The following NOM1 variants were observed in gnomAD, a reference collection of about 807,000 sequenced individuals.
The protein encoded by NOM1 is nucleolar protein with MIF4G domain 1, also known as nucleolar MIF4G domain-containing protein 1.
In NOM1, 58 loss-of-function variants were observed where a neutral mutation model predicts 73.3. The ratio of observed to expected loss-of-function variants is 0.79; its 90% CI spans 0.64 to 0.99. The LOEUF (loss-of-function observed/expected upper bound fraction) is 0.99, where lower values mean the gene tolerates loss of function less well. Among genes scored for constraint, NOM1 ranks in the 50% least tolerant of loss-of-function variants. The pLI is 0.00. For missense variants in NOM1, 1,226 were observed against 1,131.9 expected (o/e 1.08, Z -1.19); for synonymous variants, 487 against 446.8 (o/e 1.09, Z -1.14).
At chr7:156,965,156 G>T (rs1313718587) in intron 7 of NOM1, among the ~76,000 whole-genome samples, 1 of 152,234 alleles carries the variant, frequency 6.6e-6, no homozygotes, top group Non-Finnish European at 1.5e-5. Flanking sequence ...TGTGCTGTTT[G>T]CAGTGGAGCT....
Position 156,971,360 on chromosome 7 carries a change from GC to G in NOM1, c.*1661del, listed in dbSNP as rs1250312529. 1 of 152,220 alleles carries G rather than the reference GC, an allele frequency of 6.6e-6. No individual in the cohort carries two copies. The highest frequency in any genetic ancestry group is 1.9e-4 in the East Asian group (1 of 5,190). 9.4% of individuals were successfully genotyped at this position (152,220 alleles called of 1,614,324 possible). A position where few individuals can be genotyped will look rare whatever the true frequency, so the allele number is the denominator to read the frequency against. ...TGGTGATGCCTCTCCTGGGCAAAAC[GC>G]CCCATTTGTGGCACTTTCAGATACT... On this transcript the variant is annotated 3_prime_UTR_variant, in exon 11 of 11. Coordinates refer to ENST00000275820, the MANE Select transcript of NOM1 (RefSeq NM_138400.2).
chr7:156,966,293 A>G lies in NOM1; in HGVS notation c.2057A>G (p.Glu686Gly), dbSNP rs760818550. The change falls in exon 8 of 11, where the codon GAG becomes GGG. Residue 686 changes from glutamate to glycine, a missense_variant. By Grantham distance (98) the Glu-to-Gly change is moderately conservative. Coordinates refer to ENST00000275820, the MANE Select transcript of NOM1 (RefSeq NM_138400.2). The stretch of plus-strand genomic sequence containing the variant: ...AGGCTTGGACTTAAGGATCAGCAGG[A>G]GAGAGAAATCATTCACGTTCTCATG... ...LLKLGLKDQQ[E>G]REIIHVLMDC... The G allele has an allele frequency of 1.1e-5, 18 of 1,614,164 alleles. No homozygotes were observed. Among genetic ancestry groups the G allele is most frequent in the Non-Finnish European group, 1.4e-5 (17 of 1,180,038 alleles).
At chr7:156,967,573 C>G (rs981079484) in intron 9 of NOM1, among the ~76,000 whole-genome samples, 5 of 152,172 alleles carry the variant, frequency 3.3e-5, no homozygotes, top group African/African-American at 1.2e-4. Flanking sequence ...GCTCTGTCAC[C>G]CAGGCTGGAG....
In NOM1 at chr7:156,954,299, G is replaced by A. The variant is rs759345452; in HGVS notation, c.1308+1G>A. 1 of 1,579,414 alleles carries A rather than the reference G, an allele frequency of 6.3e-7. No individual in the cohort carries two copies. ...CCTTCACCACACAGTTGGAATCGAG[G>A]TACAGTTGTACCTTTTCTCCAGGCT... On this transcript the variant is annotated splice_donor_variant, in intron 3 of 10. Transcript: ENST00000275820. LOFTEE classifies it high-confidence loss of function.
At chr7:156,964,067 C>A in intron 7 of NOM1, 41 bp downstream of exon 7, 2 of 1,591,122 alleles carry the variant, frequency 1.3e-6, no homozygotes, top group Non-Finnish European at 1.7e-6. Context: ...TAATGAGATG[C>A]TGTAAAATAA....
chr7:156,963,012 G>A lies in NOM1; in HGVS notation c.1748G>A (p.Arg583His), dbSNP rs774647900. ...KLRKLQRALVRNAGSGSETQL... is the reference protein window; with the variant it reads ...KLRKLQRALVHNAGSGSETQL... Reference sequence around the variant, plus strand: ...TAGCTCTTCTCTCTTCATCAGGTCCGCAACGCCGGCTCAGGTTCTGAGACG... The same window carrying A: ...TAGCTCTTCTCTCTTCATCAGGTCCACAACGCCGGCTCAGGTTCTGAGACG... Residue 583 changes from arginine (R) to histidine (H), a missense_variant, in exon 6 of 11, where the codon CGC becomes CAC. Coordinates refer to ENST00000275820, the MANE Select transcript of NOM1 (RefSeq NM_138400.2). 31 of 1,611,370 alleles carry A rather than the reference G, an allele frequency of 1.9e-5. No individual in the cohort carries two copies. The highest frequency in any genetic ancestry group is 2.5e-5 in the Non-Finnish European group (29 of 1,177,752).
intron 3 of NOM1, among the ~76,000 whole-genome samples, chr7:156,957,591 T>C (rs1477625021): frequency 1.3e-5 from 2 of 151,898 alleles, no homozygotes; most frequent in African/African-American, 4.8e-5. Flanking sequence ...CTGGCTAACA[T>C]GGTGAAACCC....
At chr7:156,962,393 A>T in intron 5 of NOM1, 132 bp downstream of exon 5, 1 of 726,660 alleles carries the variant, frequency 1.4e-6, no homozygotes, top group South Asian at 1.7e-5. Context: ...TCAGAGGCAG[A>T]GTGAACGCGG....
intron 4 of NOM1, among the ~76,000 whole-genome samples, chr7:156,961,322 G>C (rs1426231258): frequency 2.6e-5 from 4 of 152,180 alleles, no homozygotes; most frequent in Non-Finnish European, 4.4e-5. Flanking sequence ...TTGCATTTTG[G>C]GCTGAATTGT....
At chr7:156,952,680 A>G (rs1804624466) in intron 2 of NOM1, 82 bp downstream of exon 2, 13 of 1,458,736 alleles carry the variant, frequency 8.9e-6, no homozygotes, top group Non-Finnish European at 1.2e-5. Context: ...CAGCAATTCA[A>G]ATAGAAGTGA....
In NOM1 at chr7:156,967,071, G is replaced by A. The variant is rs1358025954; in HGVS notation, c.2277G>A (p.Ser759=). The change falls in exon 9 of 11, where the codon TCG becomes TCA. Residue 759 remains serine (S), a synonymous_variant. Coordinates refer to ENST00000275820, the MANE Select transcript of NOM1 (RefSeq NM_138400.2). ...TGGCCCACTTGTTGAAGACAAAATC[G>A]CTTTCCCTTTCCATCTTAAAGGTTC... ...HLVAHLLKTK[S]LSLSILKVVE... 1.3e-5 allele frequency: 21 copies of A among 1,612,726 alleles called. No individual in the cohort carries two copies. In the East Asian group the frequency reaches 3.3e-4, roughly 26 times the overall value.
intron 6 of NOM1, 118 bp downstream of exon 6, chr7:156,963,293 G>A: frequency 9.8e-7 from 1 of 1,020,684 alleles, no homozygotes; most frequent in Non-Finnish European, 1.5e-6. Flanking sequence ...AAATGTACAA[G>A]GTTTATCTGG....
rs765723800 is a variant in NOM1 at position 156,949,925 on chromosome 7, G to C, written c.188G>C (p.Gly63Ala). Residue 63 changes from glycine (G) to alanine (A), a missense_variant, in exon 1 of 11, where the codon GGG becomes GCG. Transcript: ENST00000275820. Reference sequence around the variant, plus strand: ...GCGACTTCGGAAGGCGAGGCTCCCGGGGGTTGCGAGGGGCGCGGCGCCCCG... The same window carrying C: ...GCGACTTCGGAAGGCGAGGCTCCCGCGGGTTGCGAGGGGCGCGGCGCCCCG... ...VHATSEGEAPGGCEGRGAPVS... is the reference protein window; with the variant it reads ...VHATSEGEAPAGCEGRGAPVS... 1.9e-5 allele frequency: 29 copies of C among 1,542,124 alleles called. No individual in the cohort carries two copies. Among genetic ancestry groups the C allele is most frequent in the Non-Finnish European group, 2.4e-5 (28 of 1,145,692 alleles).
intron 3 of NOM1, among the ~76,000 whole-genome samples, chr7:156,956,047 G>A (rs1455450062): frequency 1.3e-5 from 2 of 152,068 alleles, no homozygotes; most frequent in Non-Finnish European, 2.9e-5. Flanking sequence ...AAAAAAATTA[G>A]CCAGGCATGG....
At position 156,950,269 on chromosome 7, in the gene NOM1, G is replaced by T. The variant is rs867052047; in HGVS notation, c.532G>T (p.Ala178Ser). 6.2e-7 allele frequency: 1 copy of T among 1,613,940 alleles called. No individual in the cohort carries two copies. Among genetic ancestry groups the T allele is most frequent in the Admixed American group, 1.7e-5 (1 of 60,026 alleles). ...TGCCCGGAAACGGGCGCTTTTAGCG[G>T]CGAACGAGGAGGAGGACCGAGAGAT... is the stretch of plus-strand genomic sequence containing the variant. ...AAARKRALLA[A>S]NEEEDREIRK... is the part of the protein sequence containing the mutation. The change falls in exon 1 of 11, where the codon GCG becomes TCG. Residue 178 changes from alanine to serine, a missense_variant. Physicochemically the swap from Ala to Ser is moderately conservative, Grantham distance 99. Coordinates refer to ENST00000275820, the MANE Select transcript of NOM1 (RefSeq NM_138400.2).
At chr7:156,967,263 A>G (rs1241142980) in intron 9 of NOM1, among the ~76,000 whole-genome samples, 171 bp downstream of exon 9, 1 of 152,240 alleles carries the variant, frequency 6.6e-6, no homozygotes, top group Admixed American at 6.5e-5. Flanking sequence ...AACATGTGCT[A>G]CAAATTGATC....
chr7:156,951,670 C>T (rs903002427), intron 1 of NOM1, among the ~76,000 whole-genome samples: 4 of 152,050 alleles, frequency 2.6e-5, no homozygotes, highest in Non-Finnish European at 4.4e-5. Context: ...CAAACACCAC[C>T]ACCCCCCTTG....
rs1367340169 is a variant in NOM1 at position 156,960,151 on chromosome 7, A to G, written c.1609A>G (p.Ser537Gly). Residue 537 changes from serine to glycine, a missense_variant, in exon 4 of 11, where the codon AGC (serine) becomes GGC (glycine). Coordinates refer to ENST00000275820, the MANE Select transcript of NOM1 (RefSeq NM_138400.2). ...EAQTKASGAG[S>G]EFQDQTRIRF... is the part of the protein sequence containing the mutation. ...CCAGACCAAAGCCAGCGGGGCAGGC[A>G]GCGAGTTTCAGGACCAGACCAGGGT... is the stretch of plus-strand genomic sequence containing the variant. The G allele has an allele frequency of 1.2e-6, 2 of 1,613,430 alleles. No homozygotes were observed. Among genetic ancestry groups the G allele is most frequent in the Admixed American group, 1.7e-5 (1 of 59,692 alleles).
chr7:156,962,958 G>A (rs368526716), intron 5 of NOM1, 50 bp from the exon 6 acceptor site: 31 of 1,570,286 alleles, frequency 2.0e-5, no homozygotes, highest in Middle Eastern at 1.7e-4. Context: ...ATGGAAGGAC[G>A]GAATATGAAC....
Sources: allele counts gnomAD v4.1 joint callset (sites outside exome capture counted in the v4.1 genomes callset), GRCh38; gene constraint gnomAD v4.1.1; transcripts MANE v1.5; gene names NCBI Gene and HGNC (gene_info 2026-07-23, HGNC 2026-07-21).